The following PRRG1 variants were observed in gnomAD, a reference collection of about 807,000 sequenced individuals.
PRRG1 encodes transmembrane gamma-carboxyglutamic acid protein 1.
Under a neutral mutation model 11.8 loss-of-function variants are expected in PRRG1, and 5 were observed. The observed-to-expected ratio is 0.42, with a 90% CI of 0.22 to 0.89. The LOEUF is 0.89. Among genes scored for constraint, PRRG1 ranks in the 40% least tolerant of loss-of-function variants. The pLI, the probability that PRRG1 is intolerant of heterozygous loss-of-function variation, is 0.28. For synonymous variants in PRRG1, 66 were observed against 60.4 expected, an observed-to-expected ratio of 1.09 and a Z score of -0.43; for missense variants, 155 against 166.1, an observed-to-expected ratio of 0.93 and a Z score of 0.37.
chrX:37,439,952 A>G (rs1277942239), intron 3 of PRRG1, among the ~76,000 whole-genome samples: 1 of 109,029 alleles, frequency 9.2e-6, no homozygotes, highest in African/African-American at 3.4e-5. Flanking sequence ...TGTGCCTGCC[A>G]CCATGCCCGG....
intron 1 of PRRG1, among the ~76,000 whole-genome samples, chrX:37,369,824 A>G (rs1930706150): frequency 2.7e-5 from 3 of 111,649 alleles, no homozygotes; most frequent in Admixed American, 9.4e-5. Flanking sequence ...TGATGGTTTC[A>G]TGAAGGGCAG....
chrX:37,450,640 C>A (rs1353199591), intron 3 of PRRG1, among the ~76,000 whole-genome samples: 6 of 111,948 alleles, frequency 5.4e-5, no homozygotes, highest in African/African-American at 1.9e-4. Flanking sequence ...CTAAGGTTAG[C>A]ATCATGTAAT....
chrX:37,402,819 G>A (rs1556380830), intron 1 of PRRG1, among the ~76,000 whole-genome samples: 1 of 111,307 alleles, frequency 9.0e-6, no homozygotes, highest in East Asian at 2.8e-4. Context: ...AGTGGGCAAA[G>A]GACATGAACA....
At chrX:37,415,159 A>G (rs182882420) in intron 2 of PRRG1, among the ~76,000 whole-genome samples, 115 of 112,481 alleles carry the variant, frequency 1.0e-3, no homozygotes, top group Middle Eastern at 4.6e-3. Context: ...CTGTAATCCC[A>G]GCACTTTGGC....
At chrX:37,409,147 T>C (rs1265324680) in intron 2 of PRRG1, among the ~76,000 whole-genome samples, 2 of 111,929 alleles carry the variant, frequency 1.8e-5, no homozygotes, top group Non-Finnish European at 3.8e-5. Flanking sequence ...ACACATACTT[T>C]ATATGCTATG....
At position 37,401,478 on chromosome X, in the gene PRRG1, C is replaced by T. The variant is rs1389408028; in HGVS notation, c.-41-4731C>T. ...CTCAATAAGTTAGGTATTGATGGGA[C>T]GTATCTCAAAATAATAAGAGCTATC... On this transcript the variant is annotated intron_variant, in intron 1 of 3. Transcript: ENST00000378628. Among the ~76,000 whole-genome samples the T allele has an allele frequency of 7.2e-5, 8 of 110,560 alleles. No individual in the cohort carries two copies. In the South Asian group the frequency reaches 1.2e-3, roughly 16 times the overall value.
chrX:37,448,028 A>T (rs782768738), intron 3 of PRRG1, among the ~76,000 whole-genome samples: 2 of 112,385 alleles, frequency 1.8e-5, no homozygotes, highest in African/African-American at 6.5e-5. Flanking sequence ...TGCTCATTAC[A>T]TCAGGACAGG....
At chrX:37,416,191 G>A (rs1418810384) in intron 2 of PRRG1, among the ~76,000 whole-genome samples, 1 of 111,984 alleles carries the variant, frequency 8.9e-6, no homozygotes, top group African/African-American at 3.2e-5. Context: ...ATAGCCAAAT[G>A]CGTTTGTAGT....
At chrX:37,397,249 T>C (rs1931749941) in intron 1 of PRRG1, among the ~76,000 whole-genome samples, 1 of 112,802 alleles carries the variant, frequency 8.9e-6, no homozygotes, top group Non-Finnish European at 1.9e-5. Context: ...CTAAAGTCGA[T>C]ACTGAAGTTA....
intron 3 of PRRG1, among the ~76,000 whole-genome samples, chrX:37,447,630 A>G (rs1442449771): frequency 1.8e-5 from 2 of 112,571 alleles, no homozygotes; most frequent in African/African-American, 6.5e-5. Context: ...GAGAAGTGAG[A>G]TGCAACAATA....
chrX:37,395,682 A>G (rs1022263089), intron 1 of PRRG1, among the ~76,000 whole-genome samples: 13 of 110,783 alleles, frequency 1.2e-4, no homozygotes, highest in Admixed American at 8.7e-4. Flanking sequence ...AAGAAAGACT[A>G]TAGTAAAAAA....
At chrX:37,392,236 G>A (rs1556376911) in intron 1 of PRRG1, among the ~76,000 whole-genome samples, 1 of 111,477 alleles carries the variant, frequency 9.0e-6, no homozygotes, top group African/African-American at 3.3e-5. Flanking sequence ...ATTTGTTTCT[G>A]TGGCTGCTTT....
chrX:37,455,310 A>C lies in PRRG1; in HGVS notation c.*1689A>C, dbSNP rs1422987606. ...CTAAGGGCTTTACAAGGATCAAATA[A>C]GATGGTGTGTATGTAAGAAATTTGT... On this transcript the variant is annotated 3_prime_UTR_variant, in exon 4 of 4. Transcript: ENST00000378628. The C allele has an allele frequency of 1.8e-5, 2 of 112,549 alleles. No homozygotes were observed. The highest frequency in any genetic ancestry group is 3.2e-5 in the African/African-American group (1 of 30,947). 9.3% of individuals were successfully genotyped at this position (112,549 alleles called of 1,213,427 possible).
intron 2 of PRRG1, among the ~76,000 whole-genome samples, chrX:37,410,403 C>T (rs1932320332): frequency 9.0e-6 from 1 of 111,705 alleles, no homozygotes; most frequent in African/African-American, 3.2e-5. Flanking sequence ...TTTTTTCTTC[C>T]AATAAACCAT....
chrX:37,376,715 T>C (rs1930972688), intron 1 of PRRG1, among the ~76,000 whole-genome samples: 3 of 104,570 alleles, frequency 2.9e-5, no homozygotes, highest in African/African-American at 1.0e-4. Context: ...GTTCCTTCAG[T>C]AACTTTTGGT....
At chrX:37,431,228 T>C (rs1556390113) in intron 3 of PRRG1, among the ~76,000 whole-genome samples, 1 of 112,344 alleles carries the variant, frequency 8.9e-6, no homozygotes, top group Non-Finnish European at 1.9e-5. Context: ...GTTTTTGTAT[T>C]GACATAAATT....
chrX:37,392,765 A>G (rs1321845580), intron 1 of PRRG1, among the ~76,000 whole-genome samples: 4 of 111,196 alleles, frequency 3.6e-5, no homozygotes, highest in African/African-American at 1.3e-4. Flanking sequence ...AGTTATTTAA[A>G]TAACATCTTT....
chrX:37,395,156 A>T (rs781863070), intron 1 of PRRG1, among the ~76,000 whole-genome samples: 1 of 112,312 alleles, frequency 8.9e-6, no homozygotes, highest in South Asian at 3.7e-4. Flanking sequence ...AAAGAGGCTA[A>T]ATAACTTTCC....
intron 3 of PRRG1, among the ~76,000 whole-genome samples, chrX:37,445,174 CT>C (rs1556394854): frequency 8.9e-6 from 1 of 112,122 alleles, no homozygotes; most frequent in Non-Finnish European, 1.9e-5. Flanking sequence ...CAAAGAGGCT[CT>C]CAAGCTTTGC....
Sources: allele counts gnomAD v4.1 joint callset (sites outside exome capture counted in the v4.1 genomes callset), GRCh38; gene constraint gnomAD v4.1.1; transcripts MANE v1.5; gene names NCBI Gene and HGNC (gene_info 2026-07-23, HGNC 2026-07-21).